TACC2: variants seen among roughly 807,000 people sequenced by gnomAD.
The protein encoded by TACC2 is transforming acidic coiled-coil containing protein 2.
Under a neutral mutation model 227.3 loss-of-function variants are expected in TACC2, and 137 were observed. That is an observed-to-expected ratio of 0.60 (90% CI 0.52 to 0.69). The LOEUF (loss-of-function observed/expected upper bound fraction) is 0.69. Ranked by LOEUF, TACC2 falls within the 30% of genes least tolerant of loss-of-function variation. TACC2 has a pLI of 0.00. For missense variants in TACC2, 3,470 were observed against 3,694.4 expected (o/e 0.94, Z 1.57); for synonymous variants, 1,523 against 1,487.5 (o/e 1.02, Z -0.55).
Position 122,050,772 on chromosome 10 carries a change from A to T in TACC2, c.146+222A>T, listed in dbSNP as rs1218411493. The T allele has an allele frequency of 5.7e-6, 3 of 529,338 alleles. No homozygotes were observed. Among genetic ancestry groups the T allele is most frequent in the Non-Finnish European group, 1.0e-5 (3 of 298,104 alleles). 32.8% of individuals were successfully genotyped at this position (529,338 alleles called of 1,614,324 possible). A position where few individuals can be genotyped will look rare whatever the true frequency, so the allele number is the denominator to read the frequency against. ...ATCCTGATTGCCTGCCCAAAGATGA[A>T]ATTAGTAATTATAGACTTCCATTCC... On this transcript the variant is annotated intron_variant, in intron 3 of 22. Coordinates refer to ENST00000369005, the MANE Select transcript of TACC2 (RefSeq NM_206862.4). The surrounding 1 kb of genome is among the most constrained non-coding windows in gnomAD (Gnocchi z 4.6).
Position 122,215,589 on chromosome 10 carries a change from C to T in TACC2, c.7344+138C>T, listed in dbSNP as rs1003709077. 5.4e-6 allele frequency: 4 copies of T among 741,646 alleles called. No homozygotes were observed. The Admixed American group carries it at 8.3e-5, about 15-fold the overall frequency. The allele number at this position is 741,646 out of a possible 1,614,324, so 45.9% of individuals were successfully genotyped here. A position where few individuals can be genotyped will look rare whatever the true frequency, so the allele number is the denominator to read the frequency against. The stretch of plus-strand genomic sequence containing the variant: ...TTCTTGCATTCTGTGTGGAGGGTCC[C>T]TCGATGTTTGCTTCACATTGTTTTG... On this transcript the variant is annotated intron_variant, in intron 10 of 22. Transcript: ENST00000369005.
At chr10:122,018,497 C>T (rs1565080210) in intron 1 of TACC2, among the ~76,000 whole-genome samples, 3 of 152,124 alleles carry the variant, frequency 2.0e-5, no homozygotes. Flanking sequence ...AGTTCCAAAA[C>T]ATTTTCATCA....
intron 5 of TACC2, among the ~76,000 whole-genome samples, chr10:122,121,663 G>A (rs4751874): frequency 0.67 from 101,709 of 152,182 alleles, 37,635 homozygotes; most frequent in South Asian, 0.82. Flanking sequence ...GCACTTTGAC[G>A]TGGCTGCAAA....
chr10:122,251,618 G>A (rs1286243586), intron 22 of TACC2, among the ~76,000 whole-genome samples: 1 of 152,182 alleles, frequency 6.6e-6, no homozygotes, highest in Non-Finnish European at 1.5e-5. Context: ...GAGGACTGCT[G>A]GAGCCCAGAA....
At chr10:122,102,638 A>C (rs571015087) in intron 5 of TACC2, among the ~76,000 whole-genome samples, 1 of 152,326 alleles carries the variant, frequency 6.6e-6, no homozygotes, top group South Asian at 2.1e-4. Flanking sequence ...GACTAGGCCA[A>C]GTTCAAGTGC....
At position 122,193,002 on chromosome 10, in the gene TACC2, G is replaced by A. The variant is rs1157825089; in HGVS notation, c.5835-2038G>A. Among the ~76,000 whole-genome samples the A allele has an allele frequency of 2.0e-5, 3 of 152,160 alleles. No homozygotes were observed. The East Asian group carries it at 5.8e-4, about 29-fold the overall frequency. On this transcript the variant is annotated intron_variant, in intron 7 of 22. Coordinates refer to ENST00000369005, the MANE Select transcript of TACC2 (RefSeq NM_206862.4). ...GATAAACAGATGCTTCAGGTACCTCGATCTGTTGTTGTGCAAGTGCGGATC... is the reference window on the plus strand; with the variant it reads ...GATAAACAGATGCTTCAGGTACCTCAATCTGTTGTTGTGCAAGTGCGGATC...
chr10:122,069,252 T>A (rs10887060), intron 3 of TACC2, among the ~76,000 whole-genome samples: 44,476 of 151,812 alleles, frequency 0.29, 6,790 homozygotes, highest in Non-Finnish European at 0.34. Flanking sequence ...TTATTTTTTT[T>A]TTTTTTTGAG....
In TACC2 at chr10:122,087,880, G is replaced by C; in HGVS notation, c.5380G>C (p.Val1794Leu). Residue 1794 changes from valine (V) to leucine (L), a missense_variant, in exon 4 of 23, where the codon GTC becomes CTC. By Grantham distance (32) the Val-to-Leu change is conservative. This residue lies in a region of TACC2 where 1,924 missense variants were observed against 1,978.3 expected (regional missense o/e 0.97). Coordinates refer to ENST00000369005, the MANE Select transcript of TACC2 (RefSeq NM_206862.4). ...TCCAGCTGGGGATGGGAAGGTGTGC[G>C]TCTCCTCACCTCCAGAGCCTGACGA... ...PIPAGDGKVCVSSPPEPDETH... is the reference protein window; with the variant it reads ...PIPAGDGKVCLSSPPEPDETH... 1 of 1,519,660 alleles carries C rather than the reference G, an allele frequency of 6.6e-7. No individual in the cohort carries two copies. The highest frequency in any genetic ancestry group is 8.8e-7 in the Non-Finnish European group (1 of 1,135,080). 94.1% of individuals were successfully genotyped at this position (1,519,660 alleles called of 1,614,324 possible).
At chr10:122,137,697 A>G (rs2089930242) in intron 6 of TACC2, among the ~76,000 whole-genome samples, 1 of 152,116 alleles carries the variant, frequency 6.6e-6, no homozygotes, top group Non-Finnish European at 1.5e-5. Flanking sequence ...CATCAGAATC[A>G]CCTGCTGACA....
At position 122,053,505 on chromosome 10, in the gene TACC2, C is replaced by T. The variant is rs761665963; in HGVS notation, c.146+2955C>T. Among the ~76,000 whole-genome samples the T allele has an allele frequency of 2.0e-5, 3 of 152,264 alleles. No homozygotes were observed. In the East Asian group the frequency reaches 5.8e-4, roughly 29 times the overall value. ...CTCTCCAGAGCCTGGTGCATTGAGA[C>T]CATCATCCATTCCCTCCCCAACCCC... On this transcript the variant is annotated intron_variant, in intron 3 of 22. Transcript: ENST00000369005.
intron 5 of TACC2, among the ~76,000 whole-genome samples, chr10:122,101,551 CTTTTTTTTTTTTTTT>C (rs34331470): frequency 6.4e-5 from 3 of 47,138 alleles, no homozygotes; most frequent in Admixed American, 3.5e-4. Context: ...AAAACCCCAT[CTTTTTTTTTTTTTTT>C]TTTTTTTTTT....
In TACC2 at chr10:122,065,113, G is replaced by A. The variant is rs116186941; in HGVS notation, c.146+14563G>A. Among the ~76,000 whole-genome samples the A allele has an allele frequency of 7.5e-3, 1,143 of 152,230 alleles. 18 individuals carry two copies. Among genetic ancestry groups the A allele is most frequent in the African/African-American group, 0.026 (1,079 of 41,540 alleles). ...AAAAAATTTTTTTATTGTGGTAAAGGGCAGAACATAAAATTTACCATCTTA... is the reference window on the plus strand; with the variant it reads ...AAAAAATTTTTTTATTGTGGTAAAGAGCAGAACATAAAATTTACCATCTTA... On this transcript the variant is annotated intron_variant, in intron 3 of 22. Coordinates refer to ENST00000369005, the MANE Select transcript of TACC2 (RefSeq NM_206862.4).
intron 1 of TACC2, among the ~76,000 whole-genome samples, chr10:122,001,771 C>G (rs1954386111): frequency 6.6e-6 from 1 of 152,156 alleles, no homozygotes. Context: ...CATTTCCCCC[C>G]AGAGTTTCCA....
intron 19 of TACC2, among the ~76,000 whole-genome samples, chr10:122,242,438 C>T (rs953241560): frequency 6.6e-6 from 1 of 152,154 alleles, no homozygotes; most frequent in Non-Finnish European, 1.5e-5. Flanking sequence ...GACAGTGGAC[C>T]ACGGCGTGAT....
At chr10:121,998,559 C>T (rs1590865758) in intron 1 of TACC2, among the ~76,000 whole-genome samples, 2 of 152,074 alleles carry the variant, frequency 1.3e-5, no homozygotes, top group African/African-American at 4.8e-5. Flanking sequence ...GCCAACGTTT[C>T]GTAAGTGTTA....
At chr10:122,016,223 C>T (rs1956593879) in intron 1 of TACC2, among the ~76,000 whole-genome samples, 1 of 147,010 alleles carries the variant, frequency 6.8e-6, no homozygotes, top group South Asian at 2.2e-4. Context: ...GATCGTGCCA[C>T]TGCACTCCAG....
At chr10:122,089,742 A>G (rs2080524909) in intron 5 of TACC2, among the ~76,000 whole-genome samples, 1 of 151,794 alleles carries the variant, frequency 6.6e-6, no homozygotes, top group Admixed American at 6.5e-5. Flanking sequence ...GGCATTTTAT[A>G]AATGATCTGA....
intron 1 of TACC2, among the ~76,000 whole-genome samples, chr10:122,008,675 C>CGAAT (rs2135280785): frequency 6.6e-6 from 1 of 152,230 alleles, no homozygotes; most frequent in Non-Finnish European, 1.5e-5. Flanking sequence ...CGGGTTCATG[C>CGAAT]GATTCTCCTG....
chr10:122,224,376 C>T (rs574630347), intron 11 of TACC2, among the ~76,000 whole-genome samples: 2 of 152,244 alleles, frequency 1.3e-5, no homozygotes, highest in African/African-American at 4.8e-5. Flanking sequence ...CAGAGGAAAC[C>T]CGCACCCAGA....
Sources: allele counts gnomAD v4.1 joint callset (sites outside exome capture counted in the v4.1 genomes callset), GRCh38; gene constraint gnomAD v4.1.1; regional missense constraint gnomAD v4.1.1; non-coding constraint Gnocchi (gnomAD v3.1); transcripts MANE v1.5; gene names NCBI Gene and HGNC (gene_info 2026-07-23, HGNC 2026-07-21).